KDM4A: variants seen among roughly 807,000 people sequenced by gnomAD.
The protein encoded by KDM4A is lysine demethylase 4A.
In KDM4A, 23 loss-of-function variants were observed where a neutral mutation model predicts 127.1. The ratio of observed to expected loss-of-function variants is 0.18; its 90% CI spans 0.13 to 0.26. The LOEUF is 0.26. Ranked by LOEUF, KDM4A falls within the 10% of genes least tolerant of loss-of-function variation. The pLI, the probability that KDM4A is intolerant of heterozygous loss-of-function variation, is 1.00. For missense variants in KDM4A, 890 were observed against 1,329.1 expected, an observed-to-expected ratio of 0.67 and a Z score of 5.14; for synonymous variants, 443 against 466.5, an observed-to-expected ratio of 0.95 and a Z score of 0.65.
chr1:43,687,212 G>A (rs1408246424), intron 12 of KDM4A, among the ~76,000 whole-genome samples: 1 of 152,236 alleles, frequency 6.6e-6, no homozygotes, highest in Non-Finnish European at 1.5e-5. Context: ...GGTACACTGA[G>A]GCGGCGCACA....
At position 43,704,689 on chromosome 1, in the gene KDM4A, G is replaced by A. The variant is rs1271424323; in HGVS notation, c.*319G>A. On this transcript the variant is annotated 3_prime_UTR_variant, in exon 22 of 22. Transcript: ENST00000372396. ...GACTGGCTGCCTTGTTCCTGGCCTA[G>A]GACTTAGCTTCATAACTATCACCTG... is the stretch of plus-strand genomic sequence containing the variant. The A allele has an allele frequency of 1.4e-4, 47 of 340,114 alleles. No individual in the cohort carries two copies. The highest frequency in any genetic ancestry group is 1.6e-4 in the Non-Finnish European group (30 of 184,000). 21.1% of individuals were successfully genotyped at this position (340,114 alleles called of 1,614,324 possible). A position where few individuals can be genotyped will look rare whatever the true frequency, so the allele number is the denominator to read the frequency against.
intron 11 of KDM4A, among the ~76,000 whole-genome samples, chr1:43,680,743 C>T (rs1049663682): frequency 1.3e-5 from 2 of 152,206 alleles, no homozygotes; most frequent in Non-Finnish European, 2.9e-5. Flanking sequence ...TCACATCACT[C>T]GGACAGACTC....
chr1:43,686,393 G>A (rs1660981458), intron 12 of KDM4A, among the ~76,000 whole-genome samples: 1 of 149,402 alleles, frequency 6.7e-6, no homozygotes, highest in Non-Finnish European at 1.5e-5. Flanking sequence ...CTGGAGTGCA[G>A]TGGCATGATC....
At chr1:43,678,306 G>T (rs1377146150) in intron 11 of KDM4A, among the ~76,000 whole-genome samples, 2 of 152,128 alleles carry the variant, frequency 1.3e-5, no homozygotes, top group Non-Finnish European at 2.9e-5. Context: ...AAGAATGTGT[G>T]TAGAGTGAAG....
At chr1:43,654,737 GTGT>G (rs948785602) in intron 2 of KDM4A, among the ~76,000 whole-genome samples, 3 of 68,426 alleles carry the variant, frequency 4.4e-5, no homozygotes, top group African/African-American at 7.9e-5. Flanking sequence ...GTGTGTGTGT[GTGT>G]TGTTTTCTCC....
intron 10 of KDM4A, among the ~76,000 whole-genome samples, chr1:43,669,956 A>G (rs1051351533): frequency 6.6e-6 from 1 of 152,180 alleles, no homozygotes; most frequent in Non-Finnish European, 1.5e-5. Context: ...TGTTCCCAGC[A>G]GAGATGGGAA....
Position 43,662,918 on chromosome 1 carries a change from C to T in KDM4A, c.454C>T (p.Arg152Trp), listed in dbSNP as rs140820309. The change falls in exon 5 of 22, where the codon CGG becomes TGG. Residue 152 changes from arginine (R) to tryptophan (W), a missense_variant. This residue lies in a region of KDM4A where 141 missense variants were observed against 273.5 expected (regional missense o/e 0.52). Coordinates refer to ENST00000372396, the MANE Select transcript of KDM4A (RefSeq NM_014663.3). ...EKHVDEWNIG[R>W]LRTILDLVEK... is the part of the protein sequence containing the mutation. Reference sequence around the variant, plus strand: ...GCATGTTGATGAGTGGAATATTGGCCGGCTGAGAACAATCCTGGACTTGGT... The same window carrying T: ...GCATGTTGATGAGTGGAATATTGGCTGGCTGAGAACAATCCTGGACTTGGT... The T allele has an allele frequency of 9.3e-6, 15 of 1,612,510 alleles. No individual in the cohort carries two copies. In the Admixed American group the frequency reaches 1.5e-4, roughly 16 times the overall value.
At chr1:43,699,332 A>C (rs1661325545) in intron 19 of KDM4A, among the ~76,000 whole-genome samples, 1 of 152,110 alleles carries the variant, frequency 6.6e-6, no homozygotes, top group Non-Finnish European at 1.5e-5. Context: ...CGCAGCTTGA[A>C]GCGATCCTCA....
chr1:43,681,060 AT>A, intron 11 of KDM4A, among the ~76,000 whole-genome samples: 1 of 152,106 alleles, frequency 6.6e-6, no homozygotes, highest in East Asian at 1.9e-4. Flanking sequence ...CTATGATCTC[AT>A]TTTTCCCTTG....
At chr1:43,696,996 G>A (rs896453372) in intron 18 of KDM4A, among the ~76,000 whole-genome samples, 1 of 152,232 alleles carries the variant, frequency 6.6e-6, no homozygotes, top group Non-Finnish European at 1.5e-5. Context: ...AGCAGATGGT[G>A]AGAAGTGCAG....
chr1:43,665,929 A>G (rs547653477), intron 6 of KDM4A, among the ~76,000 whole-genome samples, 184 bp downstream of exon 6: 151 of 152,202 alleles, frequency 9.9e-4, no homozygotes, highest in African/African-American at 3.6e-3. Context: ...CTTTGTCCTG[A>G]CTGTCTGTGC....
At chr1:43,663,130 C>A in intron 5 of KDM4A, 43 bp downstream of exon 5, 1 of 1,551,162 alleles carries the variant, frequency 6.4e-7, no homozygotes, top group Non-Finnish European at 8.8e-7. Flanking sequence ...TATGCTAGAG[C>A]ACGGGCTCAT....
intron 5 of KDM4A, 112 bp from the exon 6 acceptor site, chr1:43,665,584 G>A (rs1419541820): frequency 1.2e-6 from 1 of 869,010 alleles, no homozygotes; most frequent in Non-Finnish European, 1.9e-6. Context: ...TCTACTGCTT[G>A]GGAAGTTAAA....
Position 43,688,862 on chromosome 1 carries a change from G to C in KDM4A, c.1856-52G>C, listed in dbSNP as rs1661045586. 2.0e-6 allele frequency: 3 copies of C among 1,525,466 alleles called. No individual in the cohort carries two copies. Among genetic ancestry groups the C allele is most frequent in the Admixed American group, 1.8e-5 (1 of 56,850 alleles). 94.5% of individuals were successfully genotyped at this position (1,525,466 alleles called of 1,614,324 possible). ...GGAACTCATCTGTTCTCCAGGCAGA[G>C]CCACAGATGTGCAGGGTTAGTGCTG... is the stretch of plus-strand genomic sequence containing the variant. On this transcript the variant is annotated intron_variant, in intron 12 of 21. Coordinates refer to ENST00000372396, the MANE Select transcript of KDM4A (RefSeq NM_014663.3). The surrounding 1 kb of genome is among the most constrained non-coding windows in gnomAD (Gnocchi z 4.4).
At chr1:43,664,038 T>A (rs491913) in intron 5 of KDM4A, among the ~76,000 whole-genome samples, 5,148 of 152,178 alleles carry the variant, frequency 0.034, 297 homozygotes, top group African/African-American at 0.12. Context: ...GTAGAAAGTG[T>A]GAGAGAATGC....
chr1:43,652,686 T>G (rs571752144), intron 1 of KDM4A, among the ~76,000 whole-genome samples: 23 of 148,182 alleles, frequency 1.6e-4, no homozygotes, highest in African/African-American at 5.7e-4. Context: ...TTTCTTTTTT[T>G]TTTTTTTTTT....
Position 43,694,906 on chromosome 1 carries a change from T to G in KDM4A, c.2670+12T>G. On this transcript the variant is annotated intron_variant, in intron 18 of 21. Coordinates refer to ENST00000372396, the MANE Select transcript of KDM4A (RefSeq NM_014663.3). This position sits in a 1 kb window ranked among gnomAD's most constrained non-coding sequence, Gnocchi z 5.2. ...TTCCTAATTTGGAGGTGAGAGAGGG[T>G]GTCATTCTAGAATCCTCTTGACAGT... 6.3e-7 allele frequency: 1 copy of G among 1,587,616 alleles called. No individual in the cohort carries two copies. The highest frequency in any genetic ancestry group is 8.6e-7 in the Non-Finnish European group (1 of 1,158,794).
chr1:43,654,677 G>A (rs992926528), intron 2 of KDM4A, among the ~76,000 whole-genome samples: 1 of 148,248 alleles, frequency 6.7e-6, no homozygotes, highest in Non-Finnish European at 1.5e-5. Context: ...TGTCCTTTCA[G>A]TGTTGCCTTA....
At chr1:43,677,663 CTGA>C (rs1660772497) in intron 11 of KDM4A, among the ~76,000 whole-genome samples, 1 of 151,992 alleles carries the variant, frequency 6.6e-6, no homozygotes, top group Non-Finnish European at 1.5e-5. Flanking sequence ...AAGTACTGCA[CTGA>C]TGTTTTGGAA....
Sources: gnomAD v4.1 joint callset for allele counts (sites outside exome capture counted in the v4.1 genomes callset) on GRCh38, gnomAD v4.1.1 for gene constraint, gnomAD v4.1.1 regional missense constraint, Gnocchi (gnomAD v3.1) non-coding constraint, MANE v1.5 for transcripts, NCBI Gene and HGNC (gene_info 2026-07-23, HGNC 2026-07-21) for gene names.